IL1RAPL1: variants seen among roughly 807,000 people sequenced by gnomAD.
The protein encoded by IL1RAPL1 is interleukin-1 receptor accessory protein-like 1.
Under a neutral mutation model 48.4 loss-of-function variants are expected in IL1RAPL1, and 3 were observed. The ratio of observed to expected loss-of-function variants is 0.06; its 90% CI spans 0.03 to 0.16. The LOEUF is 0.16. IL1RAPL1 is among the 10% of genes least tolerant of loss of function. The pLI, the probability that IL1RAPL1 is intolerant of heterozygous loss-of-function variation, is 1.00. For synonymous variants in IL1RAPL1, 185 were observed against 187.7 expected (o/e 0.99, Z 0.12); for missense variants, 349 against 530.6 (o/e 0.66, Z 3.36).
chrX:29,091,937 C>T (rs1928100232), intron 2 of IL1RAPL1, among the ~76,000 whole-genome samples: 2 of 110,878 alleles, frequency 1.8e-5, no homozygotes, highest in African/African-American at 6.5e-5. Flanking sequence ...TAAAGATGGT[C>T]AAAAAAAGTA....
rs183404198 is a variant in IL1RAPL1, at chrX:29,857,622, T to C, written c.779-59842T>C. ...AATACCTTGCAAGGGAGGCAAAACT[T>C]TATCTTCACCCTTTTAGGGTCTTCA... is the stretch of plus-strand genomic sequence containing the variant. On this transcript the variant is annotated intron_variant, in intron 6 of 10. Coordinates refer to ENST00000378993, the MANE Select transcript of IL1RAPL1 (RefSeq NM_014271.4). Among the ~76,000 whole-genome samples, 41 of 111,985 alleles carry C rather than the reference T, an allele frequency of 3.7e-4. No individual in the cohort carries two copies. The East Asian group carries it at 0.011, about 30-fold the overall frequency.
intron 1 of IL1RAPL1, among the ~76,000 whole-genome samples, chrX:28,691,420 A>G (rs776920810): frequency 2.7e-5 from 3 of 112,027 alleles, no homozygotes; most frequent in Non-Finnish European, 5.6e-5. Flanking sequence ...CCTGTTACAC[A>G]CATTCAATTG....
At chrX:29,319,160 G>GTCTGTCTGTCTATCTATCTATCTA (rs370282992) in intron 3 of IL1RAPL1, among the ~76,000 whole-genome samples, 4 of 84,986 alleles carry the variant, frequency 4.7e-5, no homozygotes, top group African/African-American at 1.8e-4. Context: ...CTATCTGTCT[G>GTCTGTCTGTCTATCTATCTATCTA]TCTATCTATC....
chrX:28,831,024 CTCTGTGTGTGTGTGTG>C (rs1921036259), intron 2 of IL1RAPL1, among the ~76,000 whole-genome samples: 3 of 59,243 alleles, frequency 5.1e-5, no homozygotes, highest in East Asian at 7.3e-4. Flanking sequence ...CTCTCTCTCT[CTCTGTGTGTGTGTGTG>C]TGTGTGTGTG....
chrX:29,630,018 A>G (rs1479692915), intron 5 of IL1RAPL1, among the ~76,000 whole-genome samples: 1 of 112,143 alleles, frequency 8.9e-6, no homozygotes, highest in Non-Finnish European at 1.9e-5. Flanking sequence ...TCAGGCTGCT[A>G]TAACAAAACA....
At chrX:29,512,067 A>G (rs1935398788) in intron 5 of IL1RAPL1, among the ~76,000 whole-genome samples, 1 of 104,230 alleles carries the variant, frequency 9.6e-6, no homozygotes, top group Non-Finnish European at 2.0e-5. Context: ...TAGCACAGGC[A>G]TGTTCAAATT....
At chrX:29,111,737 G>T (rs1218529352) in intron 2 of IL1RAPL1, among the ~76,000 whole-genome samples, 2 of 110,577 alleles carry the variant, frequency 1.8e-5, no homozygotes, top group Non-Finnish European at 3.8e-5. Flanking sequence ...CACTTTCCTC[G>T]ATCCTTAATA....
chrX:29,745,857 A>G (rs1166050681), intron 6 of IL1RAPL1, among the ~76,000 whole-genome samples: 2 of 111,601 alleles, frequency 1.8e-5, no homozygotes, highest in East Asian at 5.6e-4. Context: ...TGTGTGCTTT[A>G]AAGTCGAGTC....
chrX:29,525,711 C>G (rs565664323), intron 5 of IL1RAPL1, among the ~76,000 whole-genome samples: 3 of 111,765 alleles, frequency 2.7e-5, no homozygotes, highest in African/African-American at 9.7e-5. Context: ...GGAATATTAA[C>G]GTGGAACAGA....
rs1014093962 is a variant in IL1RAPL1 at position 29,155,200 on chromosome X, C to T, written c.83-127738C>T. On this transcript the variant is annotated intron_variant, in intron 2 of 10. Coordinates refer to ENST00000378993, the MANE Select transcript of IL1RAPL1 (RefSeq NM_014271.4). The stretch of plus-strand genomic sequence containing the variant: ...GCCTGGCTAATTTTTTTAGTGGAGA[C>T]GGGGTTTCATCATATTGGTCAGGCT... Among the ~76,000 whole-genome samples, 8 of 109,970 alleles carry T rather than the reference C, an allele frequency of 7.3e-5. No individual in the cohort carries two copies. In the East Asian group the frequency reaches 1.1e-3, roughly 16 times the overall value.
At chrX:29,449,766 CACACACACACACACAG>C (rs1382450095) in intron 5 of IL1RAPL1, among the ~76,000 whole-genome samples, 2 of 71,830 alleles carry the variant, frequency 2.8e-5, no homozygotes, top group Non-Finnish European at 2.5e-5. Context: ...CACACACACA[CACACACACACACACAG>C]AGAGAGAGAG....
chrX:28,785,522 A>G (rs1263503019), intron 1 of IL1RAPL1, among the ~76,000 whole-genome samples: 1 of 110,804 alleles, frequency 9.0e-6, no homozygotes, highest in African/African-American at 3.3e-5. Flanking sequence ...TCTGATTCAC[A>G]CTCCCTCTGT....
intron 6 of IL1RAPL1, among the ~76,000 whole-genome samples, chrX:29,723,803 G>A (rs1927704506): frequency 9.0e-6 from 1 of 111,173 alleles, no homozygotes; most frequent in African/African-American, 3.3e-5. Flanking sequence ...GGTGTAATGT[G>A]TATATATTAT....
intron 2 of IL1RAPL1, among the ~76,000 whole-genome samples, chrX:28,806,913 G>A (rs1377424613): frequency 9.0e-6 from 1 of 111,164 alleles, no homozygotes; most frequent in Non-Finnish European, 1.9e-5. Context: ...AGCAAGTTTG[G>A]AAGCTCCGTT....
chrX:29,259,045 T>C (rs1331755663), intron 2 of IL1RAPL1, among the ~76,000 whole-genome samples: 3 of 111,430 alleles, frequency 2.7e-5, no homozygotes, highest in Non-Finnish European at 5.7e-5. Flanking sequence ...AGCTTCTCTT[T>C]GTCAGACTCA....
At chrX:29,322,556 C>T (rs767481000) in intron 3 of IL1RAPL1, among the ~76,000 whole-genome samples, 3 of 112,340 alleles carry the variant, frequency 2.7e-5, no homozygotes, top group African/African-American at 9.7e-5. Context: ...TGAGCCACCA[C>T]GCCCGGCTAA....
At chrX:28,958,897 A>G (rs1301526582) in intron 2 of IL1RAPL1, among the ~76,000 whole-genome samples, 2 of 111,882 alleles carry the variant, frequency 1.8e-5, no homozygotes, top group Admixed American at 1.9e-4. Context: ...CTCTGACAAA[A>G]AAAAGTTTTT....
intron 2 of IL1RAPL1, among the ~76,000 whole-genome samples, chrX:29,276,101 G>A (rs889293433): frequency 8.9e-6 from 1 of 111,850 alleles, no homozygotes; most frequent in Non-Finnish European, 1.9e-5. Flanking sequence ...TTCCCTGTGA[G>A]GCTCCTCTAA....
At chrX:28,957,189 C>T (rs1032295757) in intron 2 of IL1RAPL1, among the ~76,000 whole-genome samples, 2 of 111,022 alleles carry the variant, frequency 1.8e-5, no homozygotes, top group African/African-American at 3.3e-5. Flanking sequence ...TGCTAGATGA[C>T]GAGTTAGTGG....
Sources: gnomAD v4.1 joint callset for allele counts (sites outside exome capture counted in the v4.1 genomes callset) on GRCh38, gnomAD v4.1.1 for gene constraint, MANE v1.5 for transcripts, NCBI Gene and HGNC (gene_info 2026-07-23, HGNC 2026-07-21) for gene names.